ST18: variants seen among roughly 807,000 people sequenced by gnomAD.
ST18 encodes ST18 C2H2C-type zinc finger transcription factor.
In ST18, 50 loss-of-function variants were observed where a neutral mutation model predicts 110.0. The observed-to-expected ratio is 0.45, with a 90% CI of 0.36 to 0.58. The LOEUF (loss-of-function observed/expected upper bound fraction) is 0.58. Among genes scored for constraint, ST18 ranks in the 20% least tolerant of loss-of-function variants. The pLI, the probability that ST18 is intolerant of heterozygous loss-of-function variation, is 0.00. For synonymous variants in ST18, 461 were observed against 452.4 expected, an observed-to-expected ratio of 1.02 and a Z score of -0.24; for missense variants, 1,306 against 1,280.1, an observed-to-expected ratio of 1.02 and a Z score of -0.31.
At chr8:52,165,868 A>G (rs749925836) in intron 11 of ST18, among the ~76,000 whole-genome samples, 3 of 152,214 alleles carry the variant, frequency 2.0e-5, no homozygotes, top group African/African-American at 4.8e-5. Flanking sequence ...AGATGTGTCA[A>G]TAGGTAGGTT....
At chr8:52,182,349 C>A (rs973432544) in intron 8 of ST18, among the ~76,000 whole-genome samples, 2 of 152,128 alleles carry the variant, frequency 1.3e-5, no homozygotes, top group African/African-American at 4.8e-5. Flanking sequence ...CATTGAATTT[C>A]TATGTTCATT....
At chr8:52,312,657 C>A (rs767652708) in intron 2 of ST18, among the ~76,000 whole-genome samples, 2 of 152,098 alleles carry the variant, frequency 1.3e-5, no homozygotes, top group Non-Finnish European at 2.9e-5. Context: ...CTTCTCTATC[C>A]CAATCAGAAA....
intron 2 of ST18, among the ~76,000 whole-genome samples, chr8:52,293,086 G>T (rs544807973): frequency 1.3e-5 from 2 of 152,160 alleles, no homozygotes; most frequent in African/African-American, 2.4e-5. Context: ...TTATGTGTCC[G>T]CATATATACC....
Position 52,166,742 on chromosome 8 carries a change from T to A in ST18, c.1204+110A>T, listed in dbSNP as rs2063127654. ...GCTAGATGGAATTGGCTTGACATAG[T>A]TTAAAAAAGTTTGTTTCCATTCCTA... On this transcript the variant is annotated intron_variant, in intron 11 of 25. Transcript: ENST00000689386. 3 of 1,357,932 alleles carry A rather than the reference T, an allele frequency of 2.2e-6. No homozygotes were observed. In the South Asian group the frequency reaches 6.3e-5, roughly 29 times the overall value. The allele number at this position is 1,357,932 out of a possible 1,614,324, so 84.1% of individuals were successfully genotyped here.
At chr8:52,156,141 A>T (rs2059960990) in intron 15 of ST18, among the ~76,000 whole-genome samples, 1 of 152,196 alleles carries the variant, frequency 6.6e-6, no homozygotes, top group African/African-American at 2.4e-5. Flanking sequence ...CATGCAAGGC[A>T]GGGACAGCTC....
intron 7 of ST18, among the ~76,000 whole-genome samples, chr8:52,212,388 G>A (rs1483395782): frequency 6.6e-6 from 1 of 152,096 alleles, no homozygotes; most frequent in Non-Finnish European, 1.5e-5. Flanking sequence ...AAATTCACAG[G>A]AGCACAAATG....
intron 22 of ST18, among the ~76,000 whole-genome samples, chr8:52,130,103 AAAG>A (rs1384890944): frequency 1.6e-4 from 17 of 106,938 alleles, no homozygotes; most frequent in African/African-American, 6.4e-4. Flanking sequence ...AAAAAGAAAG[AAAG>A]AAAGAAAGAA....
chr8:52,350,232 A>G (rs1041634859), intron 2 of ST18, among the ~76,000 whole-genome samples: 1 of 152,200 alleles, frequency 6.6e-6, no homozygotes, highest in African/African-American at 2.4e-5. Context: ...TCCTTGCATT[A>G]GAAGCTCTTA....
At chr8:52,319,031 A>T (rs1462925958) in intron 2 of ST18, among the ~76,000 whole-genome samples, 1 of 152,170 alleles carries the variant, frequency 6.6e-6, no homozygotes, top group East Asian at 1.9e-4. Flanking sequence ...ACCATGGCAC[A>T]TGTTTACTTA....
intron 2 of ST18, among the ~76,000 whole-genome samples, chr8:52,324,841 G>A (rs1805568642): frequency 6.6e-6 from 1 of 152,174 alleles, no homozygotes; most frequent in Admixed American, 6.5e-5. Flanking sequence ...CAATTATATA[G>A]CTTGTTCTAA....
intron 16 of ST18, among the ~76,000 whole-genome samples, chr8:52,145,527 T>C (rs2056945662): frequency 6.6e-6 from 1 of 152,180 alleles, no homozygotes; most frequent in African/African-American, 2.4e-5. Context: ...CACTAAATAA[T>C]TAGTTTTGTT....
rs370515296 is a variant in ST18 at position 52,339,376 on chromosome 8, G to A, written c.-465+69952C>T. 5.3e-5 allele frequency among the ~76,000 whole-genome samples: 8 copies of A among 152,242 alleles called. No homozygotes were observed. In the East Asian group the frequency reaches 7.7e-4, roughly 15 times the overall value. On this transcript the variant is annotated intron_variant, in intron 2 of 25. Coordinates refer to ENST00000689386, the MANE Select transcript of ST18 (RefSeq NM_001352837.2). ...CAGATCTCAAGGGCTCAGGACATTC[G>A]GTCAGGCCACTGGGGATAAACTCCC...
intron 2 of ST18, among the ~76,000 whole-genome samples, chr8:52,252,275 G>GT (rs2094348477): frequency 6.6e-6 from 1 of 151,984 alleles, no homozygotes; most frequent in East Asian, 1.9e-4. Flanking sequence ...AATAATTTCT[G>GT]TATCTACCAG....
intron 2 of ST18, among the ~76,000 whole-genome samples, chr8:52,264,059 A>T (rs62499805): frequency 0.12 from 18,268 of 152,056 alleles, 1,482 homozygotes; most frequent in Middle Eastern, 0.24. Flanking sequence ...TTGGCCTCCC[A>T]AAGTTCTGGG....
chr8:52,251,829 C>T (rs78560052), intron 2 of ST18, among the ~76,000 whole-genome samples: 32 of 152,122 alleles, frequency 2.1e-4, no homozygotes, highest in African/African-American at 6.3e-4. Flanking sequence ...TAGGATTAGC[C>T]GTCCAAAGTT....
intron 2 of ST18, among the ~76,000 whole-genome samples, chr8:52,292,536 A>G (rs1337283664): frequency 6.6e-6 from 1 of 152,230 alleles, no homozygotes; most frequent in Non-Finnish European, 1.5e-5. Flanking sequence ...GTGTGTGCCT[A>G]TCGAACAGAA....
intron 17 of ST18, among the ~76,000 whole-genome samples, chr8:52,142,355 T>A (rs574772356): frequency 6.6e-6 from 1 of 152,298 alleles, no homozygotes; most frequent in African/African-American, 2.4e-5. Flanking sequence ...CAGTCCTGAT[T>A]CCTAAGTGGA....
At chr8:52,269,197 C>T (rs961349355) in intron 2 of ST18, among the ~76,000 whole-genome samples, 1 of 152,212 alleles carries the variant, frequency 6.6e-6, no homozygotes, top group Non-Finnish European at 1.5e-5. Context: ...ACCCATCACC[C>T]TCTATCTGGA....
At chr8:52,373,924 G>C (rs112987754) in intron 2 of ST18, among the ~76,000 whole-genome samples, 4 of 152,004 alleles carry the variant, frequency 2.6e-5, no homozygotes, top group Admixed American at 2.6e-4. Context: ...CAGGTCACAG[G>C]CTACAACATC....
Sources: allele counts gnomAD v4.1 joint callset (sites outside exome capture counted in the v4.1 genomes callset), GRCh38; gene constraint gnomAD v4.1.1; transcripts MANE v1.5; gene names NCBI Gene and HGNC (gene_info 2026-07-23, HGNC 2026-07-21).